PZP: variants seen among roughly 807,000 people sequenced by gnomAD.
PZP encodes PZP alpha-2-macroglobulin like, also known as pregnancy zone protein.
Under a neutral mutation model 179.8 loss-of-function variants are expected in PZP, and 150 were observed. That is an observed-to-expected ratio of 0.83 (90% CI 0.73 to 0.96). PZP has a LOEUF of 0.96. Among genes scored for constraint, PZP ranks in the 40% least tolerant of loss-of-function variants. PZP has a pLI of 0.00. For missense variants in PZP, 1,689 were observed against 1,764.0 expected (o/e 0.96, Z 0.76); for synonymous variants, 624 against 652.3 (o/e 0.96, Z 0.66).
Position 9,152,820 on chromosome 12 carries a change from T to C in PZP, c.4121+4A>G. The C allele has an allele frequency of 6.2e-7, 1 of 1,614,052 alleles. No homozygotes were observed. Among genetic ancestry groups the C allele is most frequent in the South Asian group, 1.1e-5 (1 of 91,058 alleles). ...AGATAGGTGATTAGGTTAGAACGTC[T>C]TACCTGATGGTCAGTGAGATCTGAA... On this transcript the variant is annotated splice_donor_region_variant and intron_variant, in intron 31 of 35. Transcript: ENST00000261336.
intron 15 of PZP, among the ~76,000 whole-genome samples, chr12:9,176,733 A>G (rs763046835): frequency 4.6e-5 from 7 of 152,220 alleles, no homozygotes; most frequent in Non-Finnish European, 1.0e-4. Flanking sequence ...ATTATGGACG[A>G]GTAACTCCTG....
intron 15 of PZP, among the ~76,000 whole-genome samples, chr12:9,179,800 A>G (rs755577048): frequency 4.6e-5 from 7 of 152,372 alleles, no homozygotes; most frequent in African/African-American, 1.2e-4. Context: ...TTAACAAAAT[A>G]TAGCTTTCAT....
chr12:9,194,614 G>A (rs1293826571), intron 10 of PZP, among the ~76,000 whole-genome samples: 3 of 151,888 alleles, frequency 2.0e-5, no homozygotes, highest in Non-Finnish European at 2.9e-5. Context: ...ACAGGCGCCC[G>A]CCACCCCGCC....
chr12:9,154,791 C>G lies in PZP; in HGVS notation c.3599G>C (p.Gly1200Ala), dbSNP rs181999391. Residue 1200 changes from glycine (G) to alanine (A), a missense_variant, in exon 29 of 36, where the codon GGG becomes GCG. Physicochemically the swap from Gly to Ala is moderately conservative, Grantham distance 60. Around this residue, in one of 3 missense-constraint regions of PZP, gnomAD observed 746 missense variants for 749.2 expected, o/e 1.00. Transcript: ENST00000261336. ...ERPQRPKAPV[G>A]HLYQTQAPSA... ...GGGAGCCTGGGTTTGGTAAAGATGC[C>G]CCACTGGTGCCTTGGGTCTCTGAGG... The G allele has an allele frequency of 4.5e-5, 72 of 1,614,052 alleles. No homozygotes were observed. In the East Asian group the frequency reaches 1.5e-3, roughly 33 times the overall value.
intron 4 of PZP, among the ~76,000 whole-genome samples, chr12:9,201,700 T>C (rs1592567662): frequency 6.6e-6 from 1 of 152,080 alleles, no homozygotes; most frequent in South Asian, 2.1e-4. Flanking sequence ...TTAATAGAGT[T>C]ATATGTCATT....
rs200477595 is a variant in PZP at position 9,157,342 on chromosome 12, C to A, written c.3383G>T (p.Arg1128Leu). The stretch of plus-strand genomic sequence containing the variant: ...TGACTCCAGGCAGAACAGGGCATTG[C>A]GAACAATAGGGTTCTGTAAAGGCAA... ...IPLPVTNPIV[R>L]NALFCLESAW... The change falls in exon 28 of 36, where the codon CGC becomes CTC. Residue 1128 changes from arginine (R) to leucine (L), a missense_variant. Arg to Leu is a moderately radical substitution (Grantham distance 102, BLOSUM62 -2). This residue lies in a region of PZP where 746 missense variants were observed against 749.2 expected (regional missense o/e 1.00). Transcript: ENST00000261336. 47 of 1,612,850 alleles carry A rather than the reference C, an allele frequency of 2.9e-5. No homozygotes were observed. In the East Asian group the frequency reaches 1.0e-3, roughly 36 times the overall value.
intron 20 of PZP, 126 bp from the exon 21 acceptor site, chr12:9,163,915 G>A (rs1941397680): frequency 1.5e-6 from 2 of 1,321,520 alleles, no homozygotes; most frequent in Admixed American, 2.4e-5. Flanking sequence ...AACCCACAAG[G>A]TTAATGTATA....
intron 1 of PZP, among the ~76,000 whole-genome samples, chr12:9,207,779 G>C (rs1944510741): frequency 6.6e-6 from 1 of 152,210 alleles, no homozygotes; most frequent in African/African-American, 2.4e-5. Flanking sequence ...CAATTATTGA[G>C]TTGTACCAAC....
intron 13 of PZP, among the ~76,000 whole-genome samples, chr12:9,184,031 G>A (rs778899566): frequency 6.6e-6 from 1 of 152,146 alleles, no homozygotes; most frequent in Admixed American, 6.5e-5. Context: ...AAGGAAAGTG[G>A]GGTAGATTGA....
At chr12:9,153,060 CAG>C in intron 30 of PZP, 63 bp downstream of exon 30, 1 of 1,606,530 alleles carries the variant, frequency 6.2e-7, no homozygotes, top group South Asian at 1.1e-5. Flanking sequence ...AAGGAAGGAA[CAG>C]AGTTTCCATT....
At chr12:9,200,229 T>A (rs1944074467) in intron 7 of PZP, 135 bp downstream of exon 7, 1 of 524,710 alleles carries the variant, frequency 1.9e-6, no homozygotes, top group Non-Finnish European at 3.3e-6. Context: ...TAATAGTAAG[T>A]CGTTAAATAA....
intron 4 of PZP, among the ~76,000 whole-genome samples, 188 bp from the exon 5 acceptor site, chr12:9,201,535 T>G (rs1041349579): frequency 1.3e-5 from 2 of 152,178 alleles, no homozygotes; most frequent in African/African-American, 4.8e-5. Context: ...CACAATATAT[T>G]CAATAATTAT....
chr12:9,154,910 C>T, intron 28 of PZP, 71 bp from the exon 29 acceptor site: 1 of 1,398,298 alleles, frequency 7.2e-7, no homozygotes, highest in Non-Finnish European at 9.9e-7. Context: ...TAAGAGAATG[C>T]ACATTCATAA....
At chr12:9,171,221 G>T (rs1331172986) in intron 15 of PZP, among the ~76,000 whole-genome samples, 1 of 152,126 alleles carries the variant, frequency 6.6e-6, no homozygotes, top group East Asian at 1.9e-4. Context: ...CAAAGCAACT[G>T]GGGTCTGGAG....
In PZP at chr12:9,168,862, G is replaced by C. The variant is rs1221287528; in HGVS notation, c.2107+7C>G. ...GAAATAAAATTAAAAGCAAATTGCT[G>C]TTTTACCTCCATAGTATCCTTGACC... On this transcript the variant is annotated splice_region_variant and intron_variant, in intron 17 of 35. Coordinates refer to ENST00000261336, the MANE Select transcript of PZP (RefSeq NM_002864.3). 1 of 1,599,004 alleles carries C rather than the reference G, an allele frequency of 6.3e-7. No homozygotes were observed. Among genetic ancestry groups the C allele is most frequent in the East Asian group, 2.2e-5 (1 of 44,758 alleles).
chr12:9,204,676 T>C (rs1165397479), intron 1 of PZP, among the ~76,000 whole-genome samples: 1 of 152,178 alleles, frequency 6.6e-6, no homozygotes, highest in Non-Finnish European at 1.5e-5. Context: ...TTTATTATCA[T>C]TTCCCTTTAT....
intron 24 of PZP, 141 bp downstream of exon 24, chr12:9,160,172 CA>C: frequency 9.1e-7 from 1 of 1,104,600 alleles, no homozygotes; most frequent in South Asian, 1.5e-5. Context: ...ATAGATCAAA[CA>C]CAACATCCTA....
intron 17 of PZP, chr12:9,167,392 G>T (rs1296037708): frequency 6.6e-6 from 1 of 152,114 alleles, no homozygotes; most frequent in African/African-American, 2.4e-5. Flanking sequence ...TTGTGTATCA[G>T]ACCCAAGACC....
chr12:9,197,698 T>TTATTA (rs1943894676), intron 7 of PZP, among the ~76,000 whole-genome samples: 1 of 88,202 alleles, frequency 1.1e-5, no homozygotes, highest in Non-Finnish European at 2.0e-5. Context: ...ATATATATAA[T>TTATTA]TATATATTAT....
Sources: gnomAD v4.1 joint callset for allele counts (sites outside exome capture counted in the v4.1 genomes callset) on GRCh38, gnomAD v4.1.1 for gene constraint, gnomAD v4.1.1 regional missense constraint, MANE v1.5 for transcripts, NCBI Gene and HGNC (gene_info 2026-07-23, HGNC 2026-07-21) for gene names.